Variants in FER observed in about 807,000 individuals in gnomAD.
FER encodes tyrosine-protein kinase Fer.
In FER, 63 loss-of-function variants were observed where a neutral mutation model predicts 111.0. The ratio of observed to expected loss-of-function variants is 0.57; its 90% CI spans 0.46 to 0.70. The LOEUF (loss-of-function observed/expected upper bound fraction) is 0.70. FER is among the 30% of genes least tolerant of loss of function. The pLI is 0.00. For missense variants in FER, 914 were observed against 954.0 expected (o/e 0.96, Z 0.55); for synonymous variants, 327 against 313.9 (o/e 1.04, Z -0.44).
intron 2 of FER, among the ~76,000 whole-genome samples, chr5:108,793,868 G>A (rs773765946): frequency 2.6e-5 from 4 of 152,070 alleles, no homozygotes; most frequent in Non-Finnish European, 5.9e-5. Context: ...CTAATGACAA[G>A]TTAACATGAT....
intron 16 of FER, among the ~76,000 whole-genome samples, chr5:109,057,602 C>T (rs1290447996): frequency 6.6e-6 from 1 of 152,182 alleles, no homozygotes; most frequent in East Asian, 1.9e-4. Context: ...CCTCCTGCCT[C>T]AGCCTCCCGG....
At chr5:108,845,433 C>T (rs1300662631) in intron 5 of FER, among the ~76,000 whole-genome samples, 3 of 151,882 alleles carry the variant, frequency 2.0e-5, no homozygotes, top group African/African-American at 7.3e-5. Flanking sequence ...TATGCCTGCT[C>T]GGCCTCCCAA....
intron 5 of FER, chr5:108,842,532 T>TA: frequency 6.6e-6 from 1 of 151,560 alleles, no homozygotes; most frequent in African/African-American, 2.4e-5. Context: ...AACGAATCAG[T>TA]AAGAAAAAAA....
At chr5:108,918,414 T>G (rs1373722531) in intron 10 of FER, among the ~76,000 whole-genome samples, 1 of 152,176 alleles carries the variant, frequency 6.6e-6, no homozygotes, top group Non-Finnish European at 1.5e-5. Flanking sequence ...AGAATGCAGC[T>G]GTCTCTAAAT....
At chr5:109,069,493 T>C (rs1374455711) in intron 16 of FER, among the ~76,000 whole-genome samples, 1 of 152,000 alleles carries the variant, frequency 6.6e-6, no homozygotes, top group African/African-American at 2.4e-5. Context: ...GAAACCAGAG[T>C]ATGTAAGACA....
At chr5:109,058,203 C>T (rs1415431839) in intron 16 of FER, among the ~76,000 whole-genome samples, 1 of 152,078 alleles carries the variant, frequency 6.6e-6, no homozygotes, top group South Asian at 2.1e-4. Context: ...AAAACTTCCT[C>T]ATTATGATAA....
At chr5:108,787,470 C>G (rs2081127) in intron 2 of FER, among the ~76,000 whole-genome samples, 36,295 of 151,940 alleles carry the variant, frequency 0.24, 4,605 homozygotes, top group African/African-American at 0.32. Context: ...CTCAGGCCAG[C>G]GATGGCCTGA....
intron 17 of FER, among the ~76,000 whole-genome samples, chr5:109,143,670 CTTGT>C (rs1284587233): frequency 6.0e-5 from 9 of 151,206 alleles, no homozygotes; most frequent in Non-Finnish European, 1.2e-4. Flanking sequence ...CACTTATTTA[CTTGT>C]TTATTTTTTG....
rs535180080 is a variant in FER, at chr5:109,034,050, A to G, written c.1657-3372A>G. Among the ~76,000 whole-genome samples the G allele has an allele frequency of 4.6e-5, 7 of 152,218 alleles. No homozygotes were observed. In the East Asian group the frequency reaches 1.2e-3, roughly 25 times the overall value. ...AAGTAGAAATACATTATTATTAACC[A>G]TGGTCACTTTGCTGTGCAATAGATC... On this transcript the variant is annotated intron_variant, in intron 13 of 19. Transcript: ENST00000281092.
chr5:109,057,636 G>C (rs1223753151), intron 16 of FER, among the ~76,000 whole-genome samples: 3 of 152,034 alleles, frequency 2.0e-5, no homozygotes, highest in Non-Finnish European at 4.4e-5. Flanking sequence ...AGATAAAATG[G>C]ACAAATTTCC....
chr5:108,996,729 G>T (rs193072716), intron 13 of FER, among the ~76,000 whole-genome samples: 50 of 152,236 alleles, frequency 3.3e-4, no homozygotes, highest in African/African-American at 1.0e-3. Flanking sequence ...TGCTAGGATT[G>T]TCTTGGCTGT....
At chr5:108,749,290 G>GC (rs1382342798) in intron 1 of FER, among the ~76,000 whole-genome samples, 2 of 152,060 alleles carry the variant, frequency 1.3e-5, no homozygotes. Flanking sequence ...CACGAGGGCC[G>GC]CCCCTCCCAC....
intron 1 of FER, among the ~76,000 whole-genome samples, chr5:108,763,215 C>T (rs1751957323): frequency 6.6e-6 from 1 of 152,152 alleles, no homozygotes; most frequent in South Asian, 2.1e-4. Flanking sequence ...TCTGAAGGGA[C>T]TTAGAATACC....
rs115793495 is a variant in FER, at chr5:109,154,019, T to G, written c.2049-26728T>G. 2.4e-3 allele frequency among the ~76,000 whole-genome samples: 365 copies of G among 151,942 alleles called. 1 individual carries two copies. The highest frequency in any genetic ancestry group is 8.4e-3 in the African/African-American group (347 of 41,518). ...TCTCAAGTCATTGTCTTATATTTGT[T>G]TAAGGATCTCTAGGTTTGCAGAAAC... On this transcript the variant is annotated intron_variant, in intron 17 of 19. Coordinates refer to ENST00000281092, the MANE Select transcript of FER (RefSeq NM_005246.4).
chr5:108,883,360 T>G, intron 8 of FER, 36 bp from the exon 9 acceptor site: 2 of 1,552,818 alleles, frequency 1.3e-6, no homozygotes, highest in Non-Finnish European at 1.7e-6. Context: ...TGAAAATTAA[T>G]TTGTTGGTTG....
chr5:108,748,135 C>G (rs1338909249), intron 1 of FER, 135 bp downstream of exon 1: 1 of 152,246 alleles, frequency 6.6e-6, no homozygotes, highest in Admixed American at 6.5e-5. Flanking sequence ...AAGACAGTTC[C>G]CGTCCTTAAG....
intron 2 of FER, among the ~76,000 whole-genome samples, chr5:108,797,548 C>A (rs1756168041): frequency 6.6e-6 from 1 of 152,186 alleles, no homozygotes; most frequent in South Asian, 2.1e-4. Context: ...GTCCCACAAT[C>A]ACAGTGCTCT....
At position 108,813,631 on chromosome 5, in the gene FER, C is replaced by CT. The variant is rs1757984919; in HGVS notation, c.207+15246dup. Reference sequence around the variant, plus strand: ...GTTGTCTTCTACTTCACTAATCTTACTTTTATTCAATGTCTAATCTGTTGT... The same window carrying CT: ...GTTGTCTTCTACTTCACTAATCTTACTTTTTATTCAATGTCTAATCTGTTGT... On this transcript the variant is annotated intron_variant, in intron 3 of 19. Transcript: ENST00000281092. 5.9e-5 allele frequency among the ~76,000 whole-genome samples: 9 copies of CT among 152,202 alleles called. No individual in the cohort carries two copies. The South Asian group carries it at 1.9e-3, about 32-fold the overall frequency.
At chr5:109,037,986 A>C (rs1005824499) in intron 14 of FER, among the ~76,000 whole-genome samples, 2 of 151,888 alleles carry the variant, frequency 1.3e-5, no homozygotes, top group African/African-American at 4.8e-5. Context: ...GTTTCAATAT[A>C]AATATTAATT....
Sources: allele counts gnomAD v4.1 joint callset (sites outside exome capture counted in the v4.1 genomes callset), GRCh38; gene constraint gnomAD v4.1.1; transcripts MANE v1.5; gene names NCBI Gene and HGNC (gene_info 2026-07-23, HGNC 2026-07-21).